TEAD1: variants seen among roughly 807,000 people sequenced by gnomAD.
The protein encoded by TEAD1 is transcriptional enhancer factor TEF-1.
TEAD1 carries 9 observed loss-of-function variants against 54.9 expected under a neutral mutation model. That is an observed-to-expected ratio of 0.16 (90% CI 0.10 to 0.29). TEAD1 has a LOEUF of 0.29. TEAD1 is among the 10% of genes least tolerant of loss of function. TEAD1 has a pLI of 1.00. For missense variants in TEAD1, 387 were observed against 535.9 expected, an observed-to-expected ratio of 0.72 and a Z score of 2.74; for synonymous variants, 200 against 187.8, an observed-to-expected ratio of 1.07 and a Z score of -0.53.
At chr11:12,864,621 T>TGTTTTGTTTTGTTTC (rs1947578383) in intron 4 of TEAD1, 1 of 976,506 alleles carries the variant, frequency 1.0e-6, no homozygotes, top group East Asian at 3.4e-5. Flanking sequence ...TTTCCTTTTT[T>TGTTTTGTTTTGTTTC]GTTTTGTTTT....
At chr11:12,682,774 GCCCGGC>G (rs1943249226) in intron 2 of TEAD1, among the ~76,000 whole-genome samples, 1 of 152,122 alleles carries the variant, frequency 6.6e-6, no homozygotes, top group Admixed American at 6.5e-5. Context: ...AAACTCCCCT[GCCCGGC>G]AGAGTTTACA....
At chr11:12,874,793 C>T (rs933646347) in intron 5 of TEAD1, among the ~76,000 whole-genome samples, 5 of 152,156 alleles carry the variant, frequency 3.3e-5, no homozygotes, top group African/African-American at 1.2e-4. Flanking sequence ...GTGTTTTCTG[C>T]ATTGCAGGTC....
intron 2 of TEAD1, among the ~76,000 whole-genome samples, chr11:12,696,653 C>G (rs946232585): frequency 6.6e-6 from 1 of 152,056 alleles, no homozygotes; most frequent in Non-Finnish European, 1.5e-5. Flanking sequence ...TTTTTTCCTA[C>G]CTTAGGTTAG....
rs1554945104 is a variant in TEAD1 at position 12,878,811 on chromosome 11, G to GT, written c.331-887dup. 3,468 of 758,462 alleles carry GT rather than the reference G, an allele frequency of 4.6e-3. 1 individual carries two copies. Among genetic ancestry groups the GT allele is most frequent in the African/African-American group, 0.012 (628 of 53,138 alleles). The allele number at this position is 758,462 out of a possible 1,614,324, so 47.0% of individuals were successfully genotyped here. A position where few individuals can be genotyped will look rare whatever the true frequency, so the allele number is the denominator to read the frequency against. ...TATGTATATATACACATATATATAT[G>GT]TTTTTTTTTTAACCAAAGAAGAAAA... On this transcript the variant is annotated intron_variant, in intron 5 of 12. Coordinates refer to ENST00000527636, the MANE Select transcript of TEAD1 (RefSeq NM_021961.6).
chr11:12,853,254 G>GGT (rs1262727813), intron 3 of TEAD1, among the ~76,000 whole-genome samples: 6 of 152,274 alleles, frequency 3.9e-5, no homozygotes, highest in Middle Eastern at 3.4e-3. Flanking sequence ...CTGGAAGCTT[G>GGT]GTAGGTATTT....
At chr11:12,868,248 T>C (rs1947664418) in intron 5 of TEAD1, among the ~76,000 whole-genome samples, 1 of 152,220 alleles carries the variant, frequency 6.6e-6, no homozygotes, top group Non-Finnish European at 1.5e-5. Context: ...ATGTTTTGAA[T>C]TGAAGCTTAC....
chr11:12,741,391 T>A (rs1944646792), intron 2 of TEAD1, among the ~76,000 whole-genome samples: 2 of 152,184 alleles, frequency 1.3e-5, no homozygotes, highest in Admixed American at 1.3e-4. Flanking sequence ...ATTTAAGCCT[T>A]TTGAGGCTCC....
intron 3 of TEAD1, among the ~76,000 whole-genome samples, chr11:12,787,499 T>C (rs1337740477): frequency 6.6e-6 from 1 of 152,162 alleles, no homozygotes; most frequent in Non-Finnish European, 1.5e-5. Flanking sequence ...TCGGTAAAAA[T>C]ACATCATTTT....
At chr11:12,712,786 A>G (rs1320904301) in intron 2 of TEAD1, among the ~76,000 whole-genome samples, 3 of 152,186 alleles carry the variant, frequency 2.0e-5, no homozygotes, top group Non-Finnish European at 4.4e-5. Flanking sequence ...ATTGATATGC[A>G]AGCATTATGG....
intron 5 of TEAD1, among the ~76,000 whole-genome samples, chr11:12,869,316 G>A (rs1947690439): frequency 2.0e-5 from 3 of 152,074 alleles, no homozygotes; most frequent in African/African-American, 7.2e-5. Flanking sequence ...TGGGACCAGG[G>A]GCCAACCCAC....
intron 5 of TEAD1, among the ~76,000 whole-genome samples, chr11:12,877,489 C>G (rs1233406256): frequency 6.6e-6 from 1 of 152,102 alleles, no homozygotes; most frequent in Non-Finnish European, 1.5e-5. Context: ...CCCATCTCTA[C>G]TAAAAAGACA....
intron 9 of TEAD1, among the ~76,000 whole-genome samples, chr11:12,890,486 C>T (rs1948176437): frequency 6.6e-6 from 1 of 152,164 alleles, no homozygotes; most frequent in Non-Finnish European, 1.5e-5. Context: ...TACTAGAATT[C>T]TTAGCAGCTG....
rs373734885 is a variant in TEAD1, at chr11:12,930,338, G to C, written c.1167+12G>C. 144 of 1,614,074 alleles carry C rather than the reference G, an allele frequency of 8.9e-5. 1 individual carries two copies. In the African/African-American group the frequency reaches 1.7e-3, roughly 19 times the overall value. On this transcript the variant is annotated intron_variant, in intron 12 of 12. Transcript: ENST00000527636. ...TCACAATTTTATTGGTAATGGTTTTGTCTCTTTCCTCTGTGGGCAGATGCT... is the reference window on the plus strand; with the variant it reads ...TCACAATTTTATTGGTAATGGTTTTCTCTCTTTCCTCTGTGGGCAGATGCT...
At chr11:12,930,107 G>A (rs752415135) in intron 11 of TEAD1, 67 bp from the exon 12 acceptor site, 6 of 1,590,626 alleles carry the variant, frequency 3.8e-6, no homozygotes, top group Non-Finnish European at 5.2e-6. Context: ...TTTATGGGCA[G>A]TAATATCTGT....
At chr11:12,797,314 A>G (rs868753064) in intron 3 of TEAD1, among the ~76,000 whole-genome samples, 6 of 152,124 alleles carry the variant, frequency 3.9e-5, no homozygotes, top group African/African-American at 1.4e-4. Context: ...GATCTTTTGG[A>G]CAATCACAGA....
At position 12,795,442 on chromosome 11, in the gene TEAD1, C is replaced by A. The variant is rs539631647; in HGVS notation, c.202+31008C>A. On this transcript the variant is annotated intron_variant, in intron 3 of 12. Coordinates refer to ENST00000527636, the MANE Select transcript of TEAD1 (RefSeq NM_021961.6). Reference sequence around the variant, plus strand: ...GGCATGCAATTCAACCCATAACTCTCATGTTGCATACATGGGTGCAGGTTT... The same window carrying A: ...GGCATGCAATTCAACCCATAACTCTAATGTTGCATACATGGGTGCAGGTTT... Among the ~76,000 whole-genome samples the A allele has an allele frequency of 2.0e-5, 3 of 152,294 alleles. No individual in the cohort carries two copies. In the South Asian group the frequency reaches 6.2e-4, roughly 32 times the overall value.
chr11:12,931,900 G>A (rs1949018040), intron 12 of TEAD1, among the ~76,000 whole-genome samples: 1 of 146,134 alleles, frequency 6.8e-6, no homozygotes, highest in African/African-American at 2.6e-5. Context: ...CCTGGAGATG[G>A]GGCCCAGCAT....
At chr11:12,747,221 G>A (rs1464253704) in intron 2 of TEAD1, among the ~76,000 whole-genome samples, 2 of 152,162 alleles carry the variant, frequency 1.3e-5, no homozygotes, top group African/African-American at 4.8e-5. Context: ...GGGCTGGAGT[G>A]GGGTGCAGAA....
At chr11:12,679,294 G>A (rs888917870) in intron 2 of TEAD1, among the ~76,000 whole-genome samples, 7 of 151,936 alleles carry the variant, frequency 4.6e-5, no homozygotes, top group Admixed American at 3.9e-4. Context: ...ATCCTTTTTC[G>A]TGATTCACAT....
Sources: gnomAD v4.1 joint callset for allele counts (sites outside exome capture counted in the v4.1 genomes callset) on GRCh38, gnomAD v4.1.1 for gene constraint, MANE v1.5 for transcripts, NCBI Gene and HGNC (gene_info 2026-07-23, HGNC 2026-07-21) for gene names.